The following NPEPPS variants were observed in gnomAD, a reference collection of about 807,000 sequenced individuals.
The protein encoded by NPEPPS is aminopeptidase puromycin sensitive.
In NPEPPS, 14 loss-of-function variants were observed where a neutral mutation model predicts 115.5. That is an observed-to-expected ratio of 0.12 (90% CI 0.08 to 0.19). NPEPPS has a LOEUF of 0.19. Among genes scored for constraint, NPEPPS ranks in the 10% least tolerant of loss-of-function variants. NPEPPS has a pLI of 1.00. For missense variants in NPEPPS, 523 were observed against 1,110.8 expected, an observed-to-expected ratio of 0.47 and a Z score of 7.52; for synonymous variants, 285 against 390.6, an observed-to-expected ratio of 0.73 and a Z score of 3.19.
At chr17:47,569,816 G>A (rs1174567301) in intron 3 of NPEPPS, among the ~76,000 whole-genome samples, 1 of 151,940 alleles carries the variant, frequency 6.6e-6, no homozygotes, top group African/African-American at 2.4e-5. Flanking sequence ...ACAAGGTTTC[G>A]CCATGTTGGC....
intron 10 of NPEPPS, among the ~76,000 whole-genome samples, chr17:47,591,140 G>A (rs192688434): frequency 4.2e-4 from 64 of 152,248 alleles, no homozygotes; most frequent in Admixed American, 3.3e-3. Flanking sequence ...GGGAGGCTGA[G>A]GCAGGTGGAT....
chr17:47,544,947 C>T lies in NPEPPS; in HGVS notation c.256-962C>T, dbSNP rs867037064. ...CTCAAACTCCTGACCTCAAGTGATCCGCCTGCCTCGGCCTCCCAAGGTGCC... is the reference window on the plus strand; with the variant it reads ...CTCAAACTCCTGACCTCAAGTGATCTGCCTGCCTCGGCCTCCCAAGGTGCC... On this transcript the variant is annotated intron_variant, in intron 1 of 22. Transcript: ENST00000322157. Among the ~76,000 whole-genome samples the T allele has an allele frequency of 2.9e-3, 428 of 149,148 alleles. 3 individuals are homozygous for T. Among genetic ancestry groups the T allele is most frequent in the African/African-American group, 8.8e-3 (356 of 40,352 alleles).
At chr17:47,601,785 T>G in intron 15 of NPEPPS, 38 bp downstream of exon 15, 1 of 1,581,654 alleles carries the variant, frequency 6.3e-7, no homozygotes, top group Non-Finnish European at 8.6e-7. Flanking sequence ...TTTCTCTCAC[T>G]TATACATTTT....
intron 17 of NPEPPS, among the ~76,000 whole-genome samples, chr17:47,606,588 G>T (rs1913531322): frequency 6.6e-6 from 1 of 151,860 alleles, no homozygotes; most frequent in South Asian, 2.1e-4. Context: ...CTCCCGAGTA[G>T]CATACCACCA....
At chr17:47,575,619 T>TATTATTA (rs57343041) in intron 3 of NPEPPS, among the ~76,000 whole-genome samples, 3 of 148,434 alleles carry the variant, frequency 2.0e-5, no homozygotes, top group Admixed American at 6.8e-5. Flanking sequence ...TTATTATTAT[T>TATTATTA]TTTGAGATGG....
chr17:47,555,541 T>G (rs1909945222), intron 2 of NPEPPS, among the ~76,000 whole-genome samples: 1 of 151,266 alleles, frequency 6.6e-6, no homozygotes, highest in Non-Finnish European at 1.5e-5. Flanking sequence ...GAGATGGAGT[T>G]TATCCATGTT....
chr17:47,535,095 T>C (rs1454908279), intron 1 of NPEPPS, among the ~76,000 whole-genome samples: 1 of 145,112 alleles, frequency 6.9e-6, no homozygotes, highest in African/African-American at 2.6e-5. Context: ...TACAAAAAAT[T>C]AGCTGGGCGT....
chr17:47,535,549 CAAAAAAAAAAA>C (rs1002859470), intron 1 of NPEPPS, among the ~76,000 whole-genome samples: 1 of 88,946 alleles, frequency 1.1e-5, no homozygotes, highest in Non-Finnish European at 2.2e-5. Context: ...GGCTCCGTCT[CAAAAAAAAAAA>C]AAAAAAAAAA....
At chr17:47,526,418 A>T (rs529777306), upstream of NPEPPS, among the ~76,000 whole-genome samples, 2 of 152,360 alleles carry the variant, frequency 1.3e-5, no homozygotes, top group Admixed American at 1.3e-4. Context: ...AGGTCATTCC[A>T]GCAATAATGC....
intron 15 of NPEPPS, 195 bp downstream of exon 15, chr17:47,601,942 A>G: frequency 1.7e-6 from 1 of 573,644 alleles, no homozygotes; most frequent in Non-Finnish European, 2.9e-6. Flanking sequence ...GTAGAGAAGC[A>G]GATCCAAAGG....
upstream of NPEPPS, among the ~76,000 whole-genome samples, chr17:47,526,851 G>A (rs532943320): frequency 6.6e-6 from 1 of 151,934 alleles, no homozygotes; most frequent in African/African-American, 2.4e-5. Flanking sequence ...CCAGCTACTC[G>A]CGAGGCTGAG....
At chr17:47,602,867 T>C (rs1394396872) in intron 15 of NPEPPS, among the ~76,000 whole-genome samples, 7 of 151,950 alleles carry the variant, frequency 4.6e-5, no homozygotes, top group Admixed American at 2.0e-4. Context: ...CATTTGAAAT[T>C]ATAATCTGGA....
At chr17:47,577,737 G>T (rs1280313150) in intron 3 of NPEPPS, among the ~76,000 whole-genome samples, 1 of 152,056 alleles carries the variant, frequency 6.6e-6, no homozygotes, top group African/African-American at 2.4e-5. Flanking sequence ...TGCTCTAAAG[G>T]TCTGAAATTT....
chr17:47,583,625 C>A (rs1195164144), intron 5 of NPEPPS, among the ~76,000 whole-genome samples: 1 of 151,396 alleles, frequency 6.6e-6, no homozygotes, highest in Non-Finnish European at 1.5e-5. Flanking sequence ...TATTAAATGT[C>A]ATAAGAAAGC....
At chr17:47,579,070 A>G (rs1911705283) in intron 3 of NPEPPS, among the ~76,000 whole-genome samples, 1 of 152,202 alleles carries the variant, frequency 6.6e-6, no homozygotes, top group Non-Finnish European at 1.5e-5. Flanking sequence ...ACTATGCACA[A>G]TAGCACATAT....
intron 13 of NPEPPS, among the ~76,000 whole-genome samples, chr17:47,597,738 AT>A (rs1912967139): frequency 6.6e-6 from 1 of 152,324 alleles, no homozygotes; most frequent in East Asian, 1.9e-4. Context: ...TTTTCTGCAC[AT>A]TTGTATTCTA....
rs1056391921 is a variant in NPEPPS, at chr17:47,537,560, G to T, written c.255+6005G>T. ...ATACAAAAATTAGCCGGGCGTGGTG[G>T]CACATGCCTGTAATCCCAGCTACTC... is the stretch of plus-strand genomic sequence containing the variant. On this transcript the variant is annotated intron_variant, in intron 1 of 22. Transcript: ENST00000322157. Among the ~76,000 whole-genome samples the T allele has an allele frequency of 2.6e-5, 4 of 151,828 alleles. No homozygotes were observed. The East Asian group carries it at 6.1e-4, about 23-fold the overall frequency.
At chr17:47,522,934 A>G, upstream of NPEPPS, 14 of 1,288,194 alleles carry the variant, frequency 1.1e-5, 1 homozygote, top group South Asian at 1.8e-4. Flanking sequence ...CACATTTCCA[A>G]CTGTCATTTC....
At chr17:47,612,290 C>G (rs921704734) in intron 17 of NPEPPS, among the ~76,000 whole-genome samples, 170 bp from the exon 18 acceptor site, 14 of 152,130 alleles carry the variant, frequency 9.2e-5, no homozygotes, top group African/African-American at 3.4e-4. Context: ...GCATATCACT[C>G]TTATGATTTG....
Sources: allele counts gnomAD v4.1 joint callset (sites outside exome capture counted in the v4.1 genomes callset), GRCh38; gene constraint gnomAD v4.1.1; transcripts MANE v1.5; gene names NCBI Gene and HGNC (gene_info 2026-07-23, HGNC 2026-07-21).